ROBO2: variants seen among roughly 807,000 people sequenced by gnomAD.
ROBO2 encodes roundabout homolog 2.
A neutral mutation model predicts 160.8 loss-of-function variants in ROBO2; 53 were observed. That is an observed-to-expected ratio of 0.33 (90% CI 0.26 to 0.41). ROBO2 has a LOEUF of 0.41. Ranked by LOEUF, ROBO2 falls within the 10% of genes least tolerant of loss-of-function variation. The probability of loss-of-function intolerance (pLI) is 1.00; values close to 1 mark genes in which losing one functional copy is unlikely to be tolerated. For synonymous variants in ROBO2, 664 were observed against 611.7 expected (o/e 1.09, Z -1.26); for missense variants, 1,577 against 1,722.4 (o/e 0.92, Z 1.49).
intron 2 of ROBO2, among the ~76,000 whole-genome samples, chr3:76,975,023 T>C (rs11127573): frequency 0.73 from 111,245 of 152,092 alleles, 40,829 homozygotes; most frequent in East Asian, 0.77. Flanking sequence ...ATACTAGGAA[T>C]GCAGACATGC....
chr3:76,960,946 T>C (rs1022926666), intron 2 of ROBO2, among the ~76,000 whole-genome samples: 27 of 152,084 alleles, frequency 1.8e-4, no homozygotes, highest in Non-Finnish European at 3.7e-4. Flanking sequence ...AAAATGTAAA[T>C]CACTGAATAG....
chr3:75,975,930 T>A (rs2065122034), intron 2 of ROBO2, among the ~76,000 whole-genome samples: 1 of 151,514 alleles, frequency 6.6e-6, no homozygotes, highest in Admixed American at 6.6e-5. Flanking sequence ...GACTGTTCTA[T>A]TCCCATCAAA....
At chr3:77,590,476 A>G (rs1481622021) in intron 17 of ROBO2, among the ~76,000 whole-genome samples, 3 of 152,172 alleles carry the variant, frequency 2.0e-5, no homozygotes, top group African/African-American at 7.2e-5. Flanking sequence ...GGTATTGCCC[A>G]TCAACCTTTC....
chr3:76,749,412 T>C (rs898146444), intron 2 of ROBO2, among the ~76,000 whole-genome samples: 8 of 151,978 alleles, frequency 5.3e-5, no homozygotes, highest in Non-Finnish European at 1.0e-4. Context: ...TTATTTTTTA[T>C]TGGTAGATAA....
At chr3:76,177,539 G>C (rs954797360) in intron 2 of ROBO2, among the ~76,000 whole-genome samples, 19 of 152,122 alleles carry the variant, frequency 1.2e-4, no homozygotes, top group African/African-American at 4.6e-4. Flanking sequence ...TACGAGGCTT[G>C]ATCATCCTGC....
Position 76,271,482 on chromosome 3 carries a change from GA to G in ROBO2, c.109+333881del, listed in dbSNP as rs532575881. On this transcript the variant is annotated intron_variant, in intron 2 of 26. Transcript: ENST00000487694. ...TGGTAGTGACCTAGACTCCATTACA[GA>G]TTCACATATGTTTAATATTAAAGCA... is the stretch of plus-strand genomic sequence containing the variant. Among the ~76,000 whole-genome samples, 23 of 149,968 alleles carry G rather than the reference GA, an allele frequency of 1.5e-4. No homozygotes were observed. The East Asian group carries it at 3.9e-3, about 26-fold the overall frequency.
chr3:76,587,302 T>C (rs965372383), intron 2 of ROBO2, among the ~76,000 whole-genome samples: 1 of 151,972 alleles, frequency 6.6e-6, no homozygotes. Context: ...ATCTATAATA[T>C]ATGTGCTCCC....
At chr3:77,351,240 G>A (rs918196262) in intron 2 of ROBO2, among the ~76,000 whole-genome samples, 1 of 151,386 alleles carries the variant, frequency 6.6e-6, no homozygotes. Flanking sequence ...TAATTTTAGG[G>A]AAAAAAAAGA....
chr3:76,537,265 C>T (rs1043261314), intron 2 of ROBO2, among the ~76,000 whole-genome samples: 1 of 152,024 alleles, frequency 6.6e-6, no homozygotes, highest in Non-Finnish European at 1.5e-5. Context: ...CATAAGGCAC[C>T]TCAGACCATT....
At chr3:76,810,009 A>G (rs1304482267) in intron 2 of ROBO2, among the ~76,000 whole-genome samples, 1 of 152,138 alleles carries the variant, frequency 6.6e-6, no homozygotes, top group Non-Finnish European at 1.5e-5. Context: ...TCAAAATAAA[A>G]TATGAATTGC....
chr3:76,403,439 C>T (rs963983647), intron 2 of ROBO2, among the ~76,000 whole-genome samples: 1 of 151,558 alleles, frequency 6.6e-6, no homozygotes, highest in Non-Finnish European at 1.5e-5. Context: ...CTCTCAGATT[C>T]TGAACAATAA....
At chr3:76,659,689 T>A (rs527661594) in intron 2 of ROBO2, among the ~76,000 whole-genome samples, 2 of 152,174 alleles carry the variant, frequency 1.3e-5, no homozygotes, top group Non-Finnish European at 2.9e-5. Flanking sequence ...ATTAATATTT[T>A]AAAGAATTGG....
chr3:76,210,236 A>G (rs1476171795), intron 2 of ROBO2, among the ~76,000 whole-genome samples: 2 of 152,132 alleles, frequency 1.3e-5, no homozygotes, highest in Non-Finnish European at 2.9e-5. Flanking sequence ...CAAAATAAAA[A>G]AACACATATT....
chr3:76,535,935 G>A (rs2108136051), intron 2 of ROBO2, among the ~76,000 whole-genome samples: 1 of 152,318 alleles, frequency 6.6e-6, no homozygotes, highest in Non-Finnish European at 1.5e-5. Flanking sequence ...GGGGAGATCT[G>A]GGAAGGAGTC....
At chr3:76,528,736 G>A (rs1333900862) in intron 2 of ROBO2, among the ~76,000 whole-genome samples, 1 of 152,066 alleles carries the variant, frequency 6.6e-6, no homozygotes, top group Non-Finnish European at 1.5e-5. Context: ...GAGACCAGAT[G>A]TGATCACCAG....
At chr3:76,033,287 G>A (rs1376406130) in intron 2 of ROBO2, among the ~76,000 whole-genome samples, 1 of 143,756 alleles carries the variant, frequency 7.0e-6, no homozygotes, top group Non-Finnish European at 1.5e-5. Flanking sequence ...ATGTAGCTGT[G>A]ACACATACAC....
At chr3:77,226,949 G>A (rs894168870) in intron 2 of ROBO2, among the ~76,000 whole-genome samples, 2 of 152,094 alleles carry the variant, frequency 1.3e-5, no homozygotes, top group Non-Finnish European at 2.9e-5. Context: ...AAAAAGTAGT[G>A]GTTGCTGACC....
At chr3:77,082,266 A>G (rs2068743731) in intron 1 of ROBO2, among the ~76,000 whole-genome samples, 2 of 152,212 alleles carry the variant, frequency 1.3e-5, no homozygotes, top group Non-Finnish European at 2.9e-5. Flanking sequence ...ATAATTTAGT[A>G]TTCAGAGGTC....
Position 76,940,440 on chromosome 3 carries a change from A to G in ROBO2, c.110-157574A>G, listed in dbSNP as rs531557492. ...GCCAACAAGGAATTGGCCAATAGCT[A>G]CTTTCGTTCTCGATACAACAAAAAA... is the stretch of plus-strand genomic sequence containing the variant. On this transcript the variant is annotated intron_variant, in intron 2 of 26. Transcript: ENST00000487694. Among the ~76,000 whole-genome samples the G allele has an allele frequency of 8.5e-5, 13 of 152,314 alleles. No individual in the cohort carries two copies. In the South Asian group the frequency reaches 2.5e-3, roughly 29 times the overall value.
Sources: allele counts gnomAD v4.1 joint callset (sites outside exome capture counted in the v4.1 genomes callset), GRCh38; gene constraint gnomAD v4.1.1; transcripts MANE v1.5; gene names NCBI Gene and HGNC (gene_info 2026-07-23, HGNC 2026-07-21).